Variants in PDILT observed in about 807,000 individuals in gnomAD.
PDILT encodes the protein protein disulfide isomerase like, testis expressed.
Under a neutral mutation model 53.7 loss-of-function variants are expected in PDILT, and 43 were observed. That is an observed-to-expected ratio of 0.80 (90% CI 0.63 to 1.03). The LOEUF (loss-of-function observed/expected upper bound fraction) is 1.03, where lower values mean the gene tolerates loss of function less well. PDILT is among the 50% of genes least tolerant of loss of function. The pLI, the probability that PDILT is intolerant of heterozygous loss-of-function variation, is 0.00. For synonymous variants in PDILT, 282 were observed against 274.2 expected, an observed-to-expected ratio of 1.03 and a Z score of -0.28; for missense variants, 727 against 712.3, an observed-to-expected ratio of 1.02 and a Z score of -0.24.
chr16:20,363,028 C>T (rs1221024180), intron 9 of PDILT, among the ~76,000 whole-genome samples: 11 of 136,550 alleles, frequency 8.1e-5, no homozygotes, highest in Admixed American at 4.8e-4. Flanking sequence ...GCCGAGATTG[C>T]GCCACTGCAC....
intron 2 of PDILT, among the ~76,000 whole-genome samples, chr16:20,388,304 A>C (rs1966565781): frequency 6.6e-6 from 1 of 152,192 alleles, no homozygotes; most frequent in South Asian, 2.1e-4. Flanking sequence ...GTTAATCTTC[A>C]GAACAATCCT....
Position 20,384,571 on chromosome 16 carries a change from C to T in PDILT, c.409+74G>A. On this transcript the variant is annotated intron_variant, in intron 3 of 11. Coordinates refer to ENST00000302451, the MANE Select transcript of PDILT (RefSeq NM_174924.2). ...CGAGAAGCTGCATGGAGCAGAGCCT[C>T]CCACCTTTACCCTATAGCTGTTAAG... 1.9e-6 allele frequency: 3 copies of T among 1,571,080 alleles called. No homozygotes were observed. The Admixed American group carries it at 5.0e-5, about 26-fold the overall frequency.
At chr16:20,384,565 G>A in intron 3 of PDILT, 80 bp downstream of exon 3, 2 of 1,551,406 alleles carry the variant, frequency 1.3e-6, no homozygotes, top group Non-Finnish European at 1.8e-6. Context: ...GCATGGAGCA[G>A]AGCCTCCCAC....
intron 8 of PDILT, among the ~76,000 whole-genome samples, chr16:20,367,039 CTTTCTTTCTTTCTTTCTTT>C (rs1567320710): frequency 2.5e-4 from 7 of 27,674 alleles, no homozygotes; most frequent in Non-Finnish European, 3.4e-4. Context: ...TTCTTTCTTT[CTTTCTTTCTTTCTTTCTTT>C]CTTTCTTTCT....
chr16:20,372,688 G>T, intron 7 of PDILT, 114 bp downstream of exon 7: 1 of 1,265,370 alleles, frequency 7.9e-7, no homozygotes, highest in Non-Finnish European at 1.1e-6. Context: ...AATTGCAAGT[G>T]CCAATCTTTC....
chr16:20,387,847 C>T (rs1268944023), intron 2 of PDILT, among the ~76,000 whole-genome samples: 1 of 152,078 alleles, frequency 6.6e-6, no homozygotes, highest in Non-Finnish European at 1.5e-5. Context: ...TCTTGAACTC[C>T]TGTCCTTAGG....
chr16:20,366,987 C>T (rs7195298), intron 8 of PDILT, among the ~76,000 whole-genome samples: 41,647 of 82,578 alleles, frequency 0.5, 8,515 homozygotes, highest in Middle Eastern at 0.54. Flanking sequence ...TTCCTTCCTT[C>T]CTTTCTTTCT....
At chr16:20,373,258 A>T (rs1966333598) in intron 5 of PDILT, 136 bp from the exon 6 acceptor site, 1 of 725,236 alleles carries the variant, frequency 1.4e-6, no homozygotes, top group East Asian at 2.7e-5. Flanking sequence ...TCTGTAATCT[A>T]GGTAGTTAAT....
chr16:20,384,231 T>C (rs1013041012), intron 3 of PDILT, among the ~76,000 whole-genome samples: 1 of 152,190 alleles, frequency 6.6e-6, no homozygotes, highest in Non-Finnish European at 1.5e-5. Context: ...TTGGTGTTTC[T>C]AGGGCCCATC....
Position 20,364,048 on chromosome 16 carries a change from C to A in PDILT, c.1237+1372G>T, listed in dbSNP as rs1225548462. On this transcript the variant is annotated intron_variant, in intron 9 of 11. Coordinates refer to ENST00000302451, the MANE Select transcript of PDILT (RefSeq NM_174924.2). ...GCCAAGTGTCTCCATGGCCATCCCC[C>A]CTGCCTGCAGCATCTCTGGCAGCCC... Among the ~76,000 whole-genome samples, 4 of 152,200 alleles carry A rather than the reference C, an allele frequency of 2.6e-5. No homozygotes were observed. In the East Asian group the frequency reaches 7.7e-4, roughly 29 times the overall value.
At chr16:20,364,217 T>C (rs1166706460) in intron 9 of PDILT, among the ~76,000 whole-genome samples, 1 of 152,218 alleles carries the variant, frequency 6.6e-6, no homozygotes, top group East Asian at 1.9e-4. Flanking sequence ...CTTACAATTC[T>C]GGGTGTGACT....
chr16:20,367,905 A>G (rs1966237843), intron 8 of PDILT, among the ~76,000 whole-genome samples: 1 of 152,196 alleles, frequency 6.6e-6, no homozygotes, highest in African/African-American at 2.4e-5. Context: ...GGGTTCAACC[A>G]GAGTTGGAAC....
chr16:20,366,744 C>A (rs754497172), intron 8 of PDILT, among the ~76,000 whole-genome samples: 13 of 152,172 alleles, frequency 8.5e-5, no homozygotes, highest in Admixed American at 1.3e-4. Context: ...GAATCCACAT[C>A]ATTTTCTCCA....
In PDILT at chr16:20,369,493, G is replaced by A; in HGVS notation, c.1115C>T (p.Thr372Ile). The A allele has an allele frequency of 6.2e-7, 1 of 1,613,426 alleles. No individual in the cohort carries two copies. Among genetic ancestry groups the A allele is most frequent in the Non-Finnish European group, 8.5e-7 (1 of 1,179,314 alleles). Reference sequence around the variant, plus strand: ...AACCTTGTCCAAGAAAAAACCTACTGTGGCATTTTTACTCAGGAAGCTGCG... The same window carrying A: ...AACCTTGTCCAAGAAAAAACCTACTATGGCATTTTTACTCAGGAAGCTGCG... Reference protein sequence around the residue: ...FGRSFLSKNATKHQSSEEIPK... With the variant: ...FGRSFLSKNAIKHQSSEEIPK... Residue 372 changes from threonine to isoleucine, a missense_variant and splice_region_variant, in exon 8 of 12, where the codon ACA becomes ATA. Transcript: ENST00000302451.
intron 3 of PDILT, among the ~76,000 whole-genome samples, chr16:20,383,856 T>A (rs1020812877): frequency 1.3e-5 from 2 of 152,226 alleles, no homozygotes; most frequent in African/African-American, 4.8e-5. Flanking sequence ...TTCATATATG[T>A]AACTTTCTAA....
intron 2 of PDILT, among the ~76,000 whole-genome samples, chr16:20,393,304 C>T (rs961018307): frequency 2.6e-5 from 4 of 152,130 alleles, no homozygotes; most frequent in Non-Finnish European, 5.9e-5. Context: ...AGAAAATGGC[C>T]TAGGCTGGAT....
chr16:20,359,511 C>T lies in PDILT; in HGVS notation c.1563G>A (p.Lys521=). 2.5e-6 allele frequency: 4 copies of T among 1,614,152 alleles called. No individual in the cohort carries two copies. The highest frequency in any genetic ancestry group is 2.2e-5 in the East Asian group (1 of 44,888). ...ACCCTTTCCTCATCATAGGCACCTC[C>T]TTTTCCTCAGCTAGCACTTCCTCTT... The part of the protein sequence containing the change: ...VIEEEVLAEE[K]EVPMMRKGLP... The change falls in exon 12 of 12, where the codon AAG becomes AAA. Residue 521 remains lysine, a synonymous_variant. Transcript: ENST00000302451.
In PDILT at chr16:20,399,217, A is replaced by T; in HGVS notation, c.84T>A (p.Val28=). 1 of 1,614,178 alleles carries T rather than the reference A, an allele frequency of 6.2e-7. No homozygotes were observed. ...VHSSPEVNAG[V]SSIHITKPVH... is the part of the protein sequence containing the mutation. ...CAGGCTTGGTTATGTGGATGCTGGA[A>T]ACACCGGCGTTAACCTCTGGTGAGC... The change falls in exon 2 of 12, where the codon GTT becomes GTA. Residue 28 remains valine, a synonymous_variant. Coordinates refer to ENST00000302451, the MANE Select transcript of PDILT (RefSeq NM_174924.2).
At position 20,384,772 on chromosome 16, in the gene PDILT, A is replaced by G. The variant is rs760000909; in HGVS notation, c.282T>C (p.Asn94=). ...TGTCCACTTTGCCAAAGCCGATCCC[A>G]TTCTTGCCTTTGCCCATGATCTCCA... ...KAVEIMGKGK[N]GIGFGKVDIT... Residue 94 remains asparagine (N), a synonymous_variant, in exon 3 of 12, where the codon AAT becomes AAC. Coordinates refer to ENST00000302451, the MANE Select transcript of PDILT (RefSeq NM_174924.2). The G allele has an allele frequency of 6.2e-7, 1 of 1,614,056 alleles. No individual in the cohort carries two copies. The highest frequency in any genetic ancestry group is 1.3e-5 in the African/African-American group (1 of 74,998).
Sources: allele counts gnomAD v4.1 joint callset (sites outside exome capture counted in the v4.1 genomes callset), GRCh38; gene constraint gnomAD v4.1.1; transcripts MANE v1.5; gene names NCBI Gene and HGNC (gene_info 2026-07-23, HGNC 2026-07-21).